ACTR3B: variants seen among roughly 807,000 people sequenced by gnomAD.
The protein encoded by ACTR3B is actin-related protein 3B.
ACTR3B carries 8 observed loss-of-function variants against 59.0 expected under a neutral mutation model. The ratio of observed to expected loss-of-function variants is 0.14; its 90% confidence interval spans 0.08 to 0.24. ACTR3B has a LOEUF of 0.24. Ranked by LOEUF, ACTR3B falls within the 10% of genes least tolerant of loss-of-function variation. The pLI is 1.00. For synonymous variants in ACTR3B, 148 were observed against 197.9 expected, an observed-to-expected ratio of 0.75 and a Z score of 2.12; for missense variants, 245 against 552.3, an observed-to-expected ratio of 0.44 and a Z score of 5.58.
chr7:152,761,526 A>G (rs2098089258), intron 1 of ACTR3B, among the ~76,000 whole-genome samples: 1 of 152,180 alleles, frequency 6.6e-6, no homozygotes, highest in Non-Finnish European at 1.5e-5. Context: ...TAAATACCTA[A>G]AATGTCGTGC....
intron 9 of ACTR3B, among the ~76,000 whole-genome samples, chr7:152,835,505 G>A (rs1038891236): frequency 3.3e-5 from 5 of 152,162 alleles, no homozygotes; most frequent in South Asian, 2.1e-4. Context: ...AAAAACCAGT[G>A]TACATACCTT....
intron 1 of ACTR3B, 150 bp downstream of exon 1, chr7:152,760,076 C>G: frequency 3.2e-6 from 2 of 623,982 alleles, no homozygotes; most frequent in Admixed American, 9.1e-5. Flanking sequence ...CGCCGCTTCC[C>G]TCCAAGCCTT....
intron 2 of ACTR3B, among the ~76,000 whole-genome samples, chr7:152,787,924 T>C (rs1213813849): frequency 2.0e-5 from 3 of 151,962 alleles, no homozygotes; most frequent in African/African-American, 7.2e-5. Flanking sequence ...TTATTATTAT[T>C]ATTATTTTTA....
rs1397747249 is a variant in ACTR3B, at chr7:152,796,884, T to G, written c.101-3647T>G. ...TGTTTTTTTTTTTTTTTTTTTTTTT[T>G]TTTTTTTTTTTTTTGTAGAGACGGG... On this transcript the variant is annotated intron_variant, in intron 2 of 11. Coordinates refer to ENST00000256001, the MANE Select transcript of ACTR3B (RefSeq NM_020445.6). Among the ~76,000 whole-genome samples the G allele has an allele frequency of 9.0e-4, 114 of 126,300 alleles. 2 individuals carry two copies. In the East Asian group the frequency reaches 0.012, roughly 14 times the overall value. The allele number at this position is 126,300 out of a possible 152,430, so 82.9% of individuals were successfully genotyped here.
intron 5 of ACTR3B, among the ~76,000 whole-genome samples, chr7:152,815,736 T>C (rs1392858355): frequency 1.1e-3 from 164 of 145,212 alleles, no homozygotes; most frequent in Middle Eastern, 3.4e-3. Flanking sequence ...ACATTTTCTT[T>C]GGTTGAAAAA....
At chr7:152,782,954 CT>C (rs142215251) in intron 1 of ACTR3B, among the ~76,000 whole-genome samples, 1 of 146,530 alleles carries the variant, frequency 6.8e-6, no homozygotes, top group African/African-American at 2.5e-5. Context: ...ATATGTGTTT[CT>C]TTTTTTCTAC....
intron 6 of ACTR3B, among the ~76,000 whole-genome samples, chr7:152,818,503 T>A (rs1382187968): frequency 6.6e-6 from 1 of 152,074 alleles, no homozygotes; most frequent in Non-Finnish European, 1.5e-5. Context: ...CAGGCTGGAG[T>A]GCAATGGCAC....
intron 1 of ACTR3B, among the ~76,000 whole-genome samples, chr7:152,760,728 T>C (rs2117088748): frequency 6.6e-6 from 1 of 152,338 alleles, no homozygotes; most frequent in African/African-American, 2.4e-5. Context: ...CGTTAAGCTA[T>C]TAAAAAGAGA....
At chr7:152,760,630 A>G (rs112637670) in intron 1 of ACTR3B, among the ~76,000 whole-genome samples, 3,326 of 152,326 alleles carry the variant, frequency 0.022, 125 homozygotes, top group African/African-American at 0.074. Flanking sequence ...ATTTTGAAAA[A>G]TACCCTAAAT....
intron 10 of ACTR3B, among the ~76,000 whole-genome samples, chr7:152,852,826 C>G (rs926329625): frequency 6.6e-6 from 1 of 152,054 alleles, no homozygotes; most frequent in African/African-American, 2.4e-5. Flanking sequence ...GAGTCTCTCT[C>G]TGTCGCCCAG....
At chr7:152,810,445 A>AG (rs1795129723) in intron 4 of ACTR3B, among the ~76,000 whole-genome samples, 1 of 130,216 alleles carries the variant, frequency 7.7e-6, no homozygotes, top group Non-Finnish European at 1.6e-5. Context: ...GTTTTTTGAG[A>AG]GGGGGTCTCT....
chr7:152,785,485 G>GAGAGAC (rs2098170575), intron 2 of ACTR3B, among the ~76,000 whole-genome samples: 1 of 94,832 alleles, frequency 1.1e-5, no homozygotes, highest in Admixed American at 1.1e-4. Flanking sequence ...GAGAGAGAGA[G>GAGAGAC]AGAGAGACAG....
intron 7 of ACTR3B, among the ~76,000 whole-genome samples, chr7:152,821,689 T>TC (rs1796175177): frequency 6.6e-6 from 1 of 152,058 alleles, no homozygotes; most frequent in Non-Finnish European, 1.5e-5. Context: ...ACTGTGTGTC[T>TC]CCCCCCTGTG....
At chr7:152,810,178 C>G (rs1460305756) in intron 4 of ACTR3B, among the ~76,000 whole-genome samples, 4 of 152,140 alleles carry the variant, frequency 2.6e-5, no homozygotes, top group Non-Finnish European at 5.9e-5. Flanking sequence ...ACCACCTCAG[C>G]TCACTGTAAC....
intron 1 of ACTR3B, among the ~76,000 whole-genome samples, chr7:152,775,698 G>T (rs2098134682): frequency 6.6e-6 from 1 of 151,670 alleles, no homozygotes; most frequent in Non-Finnish European, 1.5e-5. Flanking sequence ...GGCGGAGGTT[G>T]CAGTGAGCCA....
chr7:152,852,089 G>T (rs1355036951), intron 9 of ACTR3B, 37 bp from the exon 10 acceptor site: 1 of 1,613,662 alleles, frequency 6.2e-7, no homozygotes, highest in Non-Finnish European at 8.5e-7. Flanking sequence ...TGGGCGGGCG[G>T]TTTTACCCAG....
At chr7:152,778,364 T>G (rs2098141530) in intron 1 of ACTR3B, among the ~76,000 whole-genome samples, 1 of 151,734 alleles carries the variant, frequency 6.6e-6, no homozygotes, top group African/African-American at 2.4e-5. Context: ...GCCTCCTGAG[T>G]AGCTGGGACT....
intron 1 of ACTR3B, among the ~76,000 whole-genome samples, chr7:152,780,662 T>A (rs1322301134): frequency 6.6e-6 from 1 of 151,298 alleles, no homozygotes. Context: ...AACTTTGGGA[T>A]GGAAATGAGG....
intron 9 of ACTR3B, among the ~76,000 whole-genome samples, chr7:152,838,775 G>T (rs1164796714): frequency 4.0e-4 from 61 of 152,322 alleles, no homozygotes; most frequent in African/African-American, 1.4e-3. Context: ...TCTATTAGGA[G>T]ATGGCAAGTC....
Sources: allele counts gnomAD v4.1 joint callset (sites outside exome capture counted in the v4.1 genomes callset), GRCh38; gene constraint gnomAD v4.1.1; transcripts MANE v1.5; gene names NCBI Gene and HGNC (gene_info 2026-07-23, HGNC 2026-07-21).